Variants in CHPF2 observed in about 807,000 individuals in gnomAD.
CHPF2 encodes the protein chondroitin polymerizing factor 2, non-catalytic subunit.
Under a neutral mutation model 63.0 loss-of-function variants are expected in CHPF2, and 58 were observed. The observed-to-expected ratio is 0.92, with a 90% CI of 0.75 to 1.15. The LOEUF (loss-of-function observed/expected upper bound fraction) is 1.15, where lower values mean the gene tolerates loss of function less well. CHPF2 is among the 50% of genes most tolerant of loss of function. The probability of loss-of-function intolerance (pLI) is 0.00; values close to 1 mark genes in which losing one functional copy is unlikely to be tolerated. For synonymous variants in CHPF2, 442 were observed against 438.0 expected, an observed-to-expected ratio of 1.01 and a Z score of -0.11; for missense variants, 1,045 against 1,035.4, an observed-to-expected ratio of 1.01 and a Z score of -0.13.
chr7:151,236,661 C>A, intron 3 of CHPF2, 71 bp downstream of exon 3: 1 of 1,388,000 alleles, frequency 7.2e-7, no homozygotes, highest in Non-Finnish European at 9.6e-7. Context: ...GATGTCCAGG[C>A]GTGCAATGAA....
Position 151,238,061 on chromosome 7 carries a change from C to T in CHPF2, c.1699C>T (p.Arg567Ter), listed in dbSNP as rs148907711. ...PGTRLAWLAV[R>*]AEAPSQVRLM... ...GACGAGGCTGGCCTGGCTCGCTGTG[C>T]GAGCAGAGGCCCCTTCCCAGGTGCG... The change falls in exon 4 of 4, where the codon CGA (arginine) becomes TGA (stop). Residue 567 changes from arginine (R) to a stop codon, truncating the protein, a stop_gained. Transcript: ENST00000035307. LOFTEE classifies it high-confidence loss of function. 8.1e-6 allele frequency: 13 copies of T among 1,612,152 alleles called. No homozygotes were observed. In the Admixed American group the frequency reaches 1.2e-4, roughly 14 times the overall value.
rs145208514 is a variant in CHPF2 at position 151,235,053 on chromosome 7, G to A, written c.269G>A (p.Arg90Gln). ...NKPYKKVLRT[R>Q]YIQTELGSRE... The stretch of plus-strand genomic sequence containing the variant: ...GCACACTGGTCTTTCCACAGGACTC[G>A]GTACATCCAGACAGAGCTGGGCTCC... The change falls in exon 2 of 4, where the codon CGG becomes CAG. Residue 90 changes from arginine to glutamine, a missense_variant. By Grantham distance (43) the Arg-to-Gln change is conservative. Coordinates refer to ENST00000035307, the MANE Select transcript of CHPF2 (RefSeq NM_019015.3). The A allele has an allele frequency of 1.3e-4, 207 of 1,544,642 alleles. No homozygotes were observed. The highest frequency in any genetic ancestry group is 1.8e-4 in the Non-Finnish European group (204 of 1,142,182).
chr7:151,235,198 G>A lies in CHPF2; in HGVS notation c.414G>A (p.Arg138=), dbSNP rs775475348. The change falls in exon 2 of 4, where the codon CGG becomes CGA. Residue 138 remains arginine, a synonymous_variant. Transcript: ENST00000035307. ...FPRLLYFTGQ[R]GARAPAGMQV... Reference sequence around the variant, plus strand: ...GGTTACTCTACTTCACTGGGCAGCGGGGGGCCCGGGCTCCAGCAGGGATGC... The same window carrying A: ...GGTTACTCTACTTCACTGGGCAGCGAGGGGCCCGGGCTCCAGCAGGGATGC... 6.2e-7 allele frequency: 1 copy of A among 1,613,206 alleles called. No individual in the cohort carries two copies. Among genetic ancestry groups the A allele is most frequent in the African/African-American group, 1.3e-5 (1 of 75,046 alleles).
chr7:151,237,849 T>G lies in CHPF2; in HGVS notation c.1487T>G (p.Leu496Arg). The change falls in exon 4 of 4, where the codon CTG (leucine) becomes CGG (arginine). Residue 496 changes from leucine to arginine, a missense_variant. Coordinates refer to ENST00000035307, the MANE Select transcript of CHPF2 (RefSeq NM_019015.3). Reference sequence around the variant, plus strand: ...CGAGTGCAGCTGGTGCTGCCACTCCTGGTGGCTGAAGCTGCTGCAGCCCCG... The same window carrying G: ...CGAGTGCAGCTGGTGCTGCCACTCCGGGTGGCTGAAGCTGCTGCAGCCCCG... The part of the protein sequence containing the change: ...ATRVQLVLPL[L>R]VAEAAAAPAF... 2 of 1,612,698 alleles carry G rather than the reference T, an allele frequency of 1.2e-6. No homozygotes were observed. Among genetic ancestry groups the G allele is most frequent in the Non-Finnish European group, 1.7e-6 (2 of 1,180,012 alleles).
In CHPF2 at chr7:151,234,124, G is replaced by T; in HGVS notation, c.113G>T (p.Gly38Val). The T allele has an allele frequency of 6.2e-7, 1 of 1,612,130 alleles. No homozygotes were observed. The highest frequency in any genetic ancestry group is 1.1e-5 in the South Asian group (1 of 90,926). ...LLRVSWIQGE[G>V]EDPCVEAVGE... is the part of the protein sequence containing the mutation. ...CGGGTTTCCTGGATCCAGGGGGAGG[G>T]AGAAGATCCCTGTGTCGAGGCTGTA... is the stretch of plus-strand genomic sequence containing the variant. Residue 38 changes from glycine to valine, a missense_variant, in exon 1 of 4, where the codon GGA (glycine) becomes GTA (valine). By Grantham distance (109) the Gly-to-Val change is moderately radical. Transcript: ENST00000035307.
chr7:151,236,636 T>A, intron 3 of CHPF2, 46 bp downstream of exon 3: 1 of 1,480,486 alleles, frequency 6.8e-7, no homozygotes, highest in Non-Finnish European at 9.0e-7. Flanking sequence ...AGTCAGAGGG[T>A]CAGAGAGAGC....
At position 151,233,191 on chromosome 7, in the gene CHPF2, T is replaced by TCC; in HGVS notation, c.-818_-817dup. ...GAATCGCTCGCACACAGAGTTCCAG[T>TCC]CCCCGCCTGCTGTCTCCTCAGCAGC... On this transcript the variant is annotated 5_prime_UTR_variant, in exon 1 of 4. Coordinates refer to ENST00000035307, the MANE Select transcript of CHPF2 (RefSeq NM_019015.3). 1 of 1,029,736 alleles carries TCC rather than the reference T, an allele frequency of 9.7e-7. No homozygotes were observed. Among genetic ancestry groups the TCC allele is most frequent in the Non-Finnish European group, 1.2e-6 (1 of 859,132 alleles). The allele number at this position is 1,029,736 out of a possible 1,614,324, so 63.8% of individuals were successfully genotyped here.
In CHPF2 at chr7:151,233,903, C is replaced by T; in HGVS notation, c.-109C>T. ...TCGCTCTGTCTTTGGCCTCATTGAC[C>T]CCAGGTTCTCTGGTTAAAACTGAAA... On this transcript the variant is annotated 5_prime_UTR_variant, in exon 1 of 4. Transcript: ENST00000035307. The T allele has an allele frequency of 7.3e-7, 1 of 1,373,168 alleles. No homozygotes were observed. The highest frequency in any genetic ancestry group is 9.4e-7 in the Non-Finnish European group (1 of 1,065,606). 85.1% of individuals were successfully genotyped at this position (1,373,168 alleles called of 1,614,324 possible).
chr7:151,236,400 C>T lies in CHPF2; in HGVS notation c.829-8C>T. On this transcript the variant is annotated splice_polypyrimidine_tract_variant and splice_region_variant and intron_variant, in intron 2 of 3. Transcript: ENST00000035307. ...GTGTGTCATTGATTGGTCTGATTGT[C>T]CCTCTAGGGGCAGCAGTATCGCTCA... 2 of 1,558,610 alleles carry T rather than the reference C, an allele frequency of 1.3e-6. No individual in the cohort carries two copies. Among genetic ancestry groups the T allele is most frequent in the Non-Finnish European group, 1.7e-6 (2 of 1,145,928 alleles).
intron 1 of CHPF2, 104 bp from the exon 2 acceptor site, chr7:151,234,944 C>G (rs1802586360): frequency 4.8e-6 from 4 of 840,240 alleles, no homozygotes; most frequent in Non-Finnish European, 3.7e-6. Flanking sequence ...GGAAGTTTCT[C>G]CCTTCTCAGC....
chr7:151,238,429 A>T lies in CHPF2; in HGVS notation c.2067A>T (p.Glu689Asp). The change falls in exon 4 of 4, where the codon GAA (glutamate) becomes GAT (aspartate). Residue 689 changes from glutamate to aspartate, a missense_variant. Physicochemically the swap from Glu to Asp is conservative, Grantham distance 45 (BLOSUM62 2). Transcript: ENST00000035307. Reference sequence around the variant, plus strand: ...CGGCCCGAGCCCGGCTGGCAGGTGAACTGGCAGGCCAGGAAGAGGAGGAAG... The same window carrying T: ...CGGCCCGAGCCCGGCTGGCAGGTGATCTGGCAGGCCAGGAAGAGGAGGAAG... ...YLAARARLAGELAGQEEEEAL... is the reference protein window; with the variant it reads ...YLAARARLAGDLAGQEEEEAL... The T allele has an allele frequency of 6.3e-7, 1 of 1,593,086 alleles. No homozygotes were observed. Among genetic ancestry groups the T allele is most frequent in the Non-Finnish European group, 8.6e-7 (1 of 1,168,176 alleles).
In CHPF2 at chr7:151,232,665, G is replaced by A; in HGVS notation, c.-1347G>A. The A allele has an allele frequency of 3.9e-6, 5 of 1,265,866 alleles. No homozygotes were observed. The highest frequency in any genetic ancestry group is 5.3e-6 in the Non-Finnish European group (5 of 939,496). The allele number at this position is 1,265,866 out of a possible 1,614,324, so 78.4% of individuals were successfully genotyped here. A position where few individuals can be genotyped will look rare whatever the true frequency, so the allele number is the denominator to read the frequency against. ...CCTCCCGGGACGCCGGGAGACCCCG[G>A]CCGTCCTTTATCCGGTGTCCGCCGG... On this transcript the variant is annotated 5_prime_UTR_variant, in exon 1 of 4. Coordinates refer to ENST00000035307, the MANE Select transcript of CHPF2 (RefSeq NM_019015.3).
intron 2 of CHPF2, 125 bp from the exon 3 acceptor site, chr7:151,236,283 G>A: frequency 2.5e-6 from 2 of 785,064 alleles, no homozygotes; most frequent in Non-Finnish European, 3.9e-6. Flanking sequence ...GCTGGAAAGG[G>A]TGCCTCTTCT....
At position 151,236,470 on chromosome 7, in the gene CHPF2, G is replaced by T; in HGVS notation, c.891G>T (p.Ser297=). 6 of 1,607,612 alleles carry T rather than the reference G, an allele frequency of 3.7e-6. No homozygotes were observed. Among genetic ancestry groups the T allele is most frequent in the Non-Finnish European group, 5.1e-6 (6 of 1,174,758 alleles). The change falls in exon 3 of 4, where the codon TCG becomes TCT. Residue 297 remains serine (S), a synonymous_variant. Coordinates refer to ENST00000035307, the MANE Select transcript of CHPF2 (RefSeq NM_019015.3). The stretch of plus-strand genomic sequence containing the variant: ...GGGACCCTGAGAAGGAAGGGAGCTC[G>T]GCTTTCCTGAGTGCCTTCGCCGTGC... ...KNRDPEKEGS[S]AFLSAFAVHP...
At chr7:151,234,719 G>A (rs111632177) in intron 1 of CHPF2, among the ~76,000 whole-genome samples, 11,902 of 152,154 alleles carry the variant, frequency 0.078, 600 homozygotes, top group Non-Finnish European at 0.11. Context: ...TTGAACTCCT[G>A]ACCTCAGGTG....
At position 151,233,726 on chromosome 7, in the gene CHPF2, A is replaced by G. The variant is rs967495722; in HGVS notation, c.-286A>G. The G allele has an allele frequency of 5.2e-6, 6 of 1,159,904 alleles. No individual in the cohort carries two copies. The African/African-American group carries it at 6.4e-5, about 12-fold the overall frequency. 71.9% of individuals were successfully genotyped at this position (1,159,904 alleles called of 1,614,324 possible). On this transcript the variant is annotated 5_prime_UTR_variant, in exon 1 of 4. Coordinates refer to ENST00000035307, the MANE Select transcript of CHPF2 (RefSeq NM_019015.3). ...TCCTCTTTTTAGTGGAAGACAGACC[A>G]TAATCCCAGTGTGAGTGAAATTGAT...
chr7:151,238,501 G>T lies in CHPF2; in HGVS notation c.2139G>T (p.Gly713=). 2 of 1,599,794 alleles carry T rather than the reference G, an allele frequency of 1.3e-6. No homozygotes were observed. Among genetic ancestry groups the T allele is most frequent in the East Asian group, 2.3e-5 (1 of 44,198 alleles). ...EVMDVFLRFS[G]LHLFRAVEPG... ...TGGATGTTTTCCTCCGGTTCTCAGG[G>T]CTCCACCTCTTTCGGGCCGTAGAGC... Residue 713 remains glycine (G), a synonymous_variant, in exon 4 of 4, where the codon GGG becomes GGT. Transcript: ENST00000035307.
Position 151,237,805 on chromosome 7 carries a change from CTA to C in CHPF2, c.1445_1446del (p.Tyr482CysfsTer3), listed in dbSNP as rs766364481. The C allele has an allele frequency of 6.2e-7, 1 of 1,612,676 alleles. No individual in the cohort carries two copies. Among genetic ancestry groups the C allele is most frequent in the Non-Finnish European group, 8.5e-7 (1 of 1,180,014 alleles). ...LSRVEILPMPYVTEATRVQLV... is the reference protein window; with the variant it reads ...LSRVEILPMPXVTEATRVQLV... ...GCCGGGTGGAAATCCTACCTATGCC[CTA>C]TGTCACTGAGGCCACCCGAGTGCAG... is the stretch of plus-strand genomic sequence containing the variant. On this transcript the variant is annotated frameshift_variant, in exon 4 of 4. Transcript: ENST00000035307. LOFTEE classifies it high-confidence loss of function.
intron 3 of CHPF2, chr7:151,236,867 C>T: frequency 1.7e-6 from 1 of 581,754 alleles, no homozygotes; most frequent in Non-Finnish European, 3.2e-6. Flanking sequence ...GGAAGCTCCG[C>T]ACAGTGTTCA....
Sources: gnomAD v4.1 joint callset for allele counts (sites outside exome capture counted in the v4.1 genomes callset) on GRCh38, gnomAD v4.1.1 for gene constraint, MANE v1.5 for transcripts, NCBI Gene and HGNC (gene_info 2026-07-23, HGNC 2026-07-21) for gene names.